CEP120: variants seen among roughly 807,000 people sequenced by gnomAD.
CEP120 encodes centrosomal protein 120.
CEP120 carries 113 observed loss-of-function variants against 126.5 expected under a neutral mutation model. The ratio of observed to expected loss-of-function variants is 0.89; its 90% CI spans 0.77 to 1.04. The LOEUF (loss-of-function observed/expected upper bound fraction) is 1.04, where lower values mean the gene tolerates loss of function less well. CEP120 is among the 50% of genes least tolerant of loss of function. The pLI, the probability that CEP120 is intolerant of heterozygous loss-of-function variation, is 0.00. For synonymous variants in CEP120, 400 were observed against 394.3 expected (o/e 1.01, Z -0.17); for missense variants, 1,230 against 1,155.7 (o/e 1.06, Z -0.93).
chr5:123,422,833 T>C (rs925362248), intron 1 of CEP120, 117 bp downstream of exon 1: 9 of 981,060 alleles, frequency 9.2e-6, no homozygotes, highest in Non-Finnish European at 1.3e-5. Flanking sequence ...AACAAGTCTG[T>C]GGGGACCACA....
intron 4 of CEP120, among the ~76,000 whole-genome samples, chr5:123,405,968 A>G (rs1024542560): frequency 1.3e-5 from 2 of 152,122 alleles, no homozygotes; most frequent in South Asian, 4.1e-4. Flanking sequence ...GACAGCATAC[A>G]AGAACAGAGA....
chr5:123,382,328 A>T, intron 13 of CEP120, 128 bp from the exon 14 acceptor site: 25 of 300,654 alleles, frequency 8.3e-5, no homozygotes, highest in African/African-American at 1.5e-4. Context: ...TTTATTCTAA[A>T]AAAAAAAAAA....
intron 1 of CEP120, among the ~76,000 whole-genome samples, chr5:123,419,412 T>C (rs545425031): frequency 3.9e-5 from 6 of 152,150 alleles, no homozygotes; most frequent in Non-Finnish European, 8.8e-5. Flanking sequence ...CCGGGTGTGG[T>C]GGCATGCGCC....
At chr5:123,346,886 A>C in intron 19 of CEP120, 133 bp from the exon 20 acceptor site, 1 of 634,814 alleles carries the variant, frequency 1.6e-6, no homozygotes, top group Non-Finnish European at 2.5e-6. Flanking sequence ...ACCAAAAAAA[A>C]CCAGTGTTCC....
chr5:123,417,227 G>C (rs964705462), intron 2 of CEP120, among the ~76,000 whole-genome samples: 1 of 152,190 alleles, frequency 6.6e-6, no homozygotes, highest in African/African-American at 2.4e-5. Context: ...CTCTAAGAAT[G>C]CAATACTTCT....
rs1439382179 is a variant in CEP120 at position 123,412,546 on chromosome 5, G to T, written c.322-6C>A. ...AACTGGTACCATTTTGGTGCCTAGA[G>T]AATAATAAAATAACAAAACACCTAA... On this transcript the variant is annotated splice_polypyrimidine_tract_variant and splice_region_variant and intron_variant, in intron 3 of 19. Coordinates refer to ENST00000306467, the MANE Select transcript of CEP120 (RefSeq NM_001375405.1). 7 of 1,573,660 alleles carry T rather than the reference G, an allele frequency of 4.4e-6. No homozygotes were observed. In the South Asian group the frequency reaches 8.4e-5, roughly 19 times the overall value.
chr5:123,386,706 T>C, intron 9 of CEP120, 39 bp from the exon 10 acceptor site: 1 of 1,284,766 alleles, frequency 7.8e-7, no homozygotes, highest in Non-Finnish European at 1.0e-6. Context: ...AAAGCCTTAA[T>C]GATATGGTTT....
At chr5:123,370,748 T>C (rs1389923917) in intron 17 of CEP120, among the ~76,000 whole-genome samples, 2 of 148,000 alleles carry the variant, frequency 1.4e-5, no homozygotes, top group Admixed American at 6.8e-5. Flanking sequence ...GTATGTATTA[T>C]AATATATATT....
intron 11 of CEP120, among the ~76,000 whole-genome samples, chr5:123,384,459 C>T (rs938725884): frequency 1.3e-5 from 2 of 151,904 alleles, no homozygotes; most frequent in African/African-American, 4.8e-5. Context: ...CAATGAAGTT[C>T]AGGGCAAAAA....
intron 4 of CEP120, among the ~76,000 whole-genome samples, chr5:123,409,307 C>G (rs1017385118): frequency 6.6e-6 from 1 of 152,024 alleles, no homozygotes; most frequent in African/African-American, 2.4e-5. Context: ...ATATAAAAAC[C>G]TACAGCTAAC....
chr5:123,393,243 C>A (rs1772523025), intron 6 of CEP120, 57 bp downstream of exon 6: 1 of 1,506,738 alleles, frequency 6.6e-7, no homozygotes. Flanking sequence ...AGTTTAGGTA[C>A]TAAATTAATG....
intron 18 of CEP120, among the ~76,000 whole-genome samples, chr5:123,363,001 T>A (rs11748094): frequency 0.22 from 32,716 of 151,534 alleles, 3,826 homozygotes; most frequent in Middle Eastern, 0.27. Flanking sequence ...TTGACAAGAA[T>A]CTTCTTGTTG....
intron 8 of CEP120, among the ~76,000 whole-genome samples, chr5:123,389,654 C>T (rs555653286): frequency 2.6e-5 from 4 of 152,230 alleles, no homozygotes; most frequent in African/African-American, 9.6e-5. Context: ...GCATGCACCA[C>T]CACGCCTGGC....
At chr5:123,387,088 A>G (rs1772082540) in intron 9 of CEP120, among the ~76,000 whole-genome samples, 1 of 152,194 alleles carries the variant, frequency 6.6e-6, no homozygotes, top group African/African-American at 2.4e-5. Context: ...ATGAATCAAG[A>G]GAGTGACATA....
chr5:123,412,063 C>CA (rs1352735679), intron 4 of CEP120, among the ~76,000 whole-genome samples: 2 of 152,120 alleles, frequency 1.3e-5, no homozygotes, highest in Non-Finnish European at 2.9e-5. Flanking sequence ...GTTTTGTTAA[C>CA]CTACAGTTGA....
intron 17 of CEP120, among the ~76,000 whole-genome samples, chr5:123,369,426 T>C (rs1770696229): frequency 6.6e-6 from 1 of 152,024 alleles, no homozygotes. Flanking sequence ...ATTCATACTG[T>C]TAACTACTAT....
chr5:123,403,980 G>T (rs968630987), intron 4 of CEP120, among the ~76,000 whole-genome samples: 1 of 152,152 alleles, frequency 6.6e-6, no homozygotes, highest in African/African-American at 2.4e-5. Flanking sequence ...GAAATTAGGT[G>T]GTAGCAATGT....
chr5:123,422,621 C>T, intron 1 of CEP120: 4 of 1,309,760 alleles, frequency 3.1e-6, no homozygotes, highest in Non-Finnish European at 4.3e-6. Context: ...TTGGGAACCG[C>T]TGATCAGAAC....
At chr5:123,395,912 G>A (rs561347528) in intron 5 of CEP120, among the ~76,000 whole-genome samples, 1 of 151,210 alleles carries the variant, frequency 6.6e-6, no homozygotes, top group Admixed American at 6.6e-5. Flanking sequence ...TCGATCTCCT[G>A]ACCTCGTGAT....
Sources: allele counts gnomAD v4.1 joint callset (sites outside exome capture counted in the v4.1 genomes callset), GRCh38; gene constraint gnomAD v4.1.1; transcripts MANE v1.5; gene names NCBI Gene and HGNC (gene_info 2026-07-23, HGNC 2026-07-21).